Variants in DMRT1 observed in about 807,000 individuals in gnomAD.
DMRT1 encodes the protein doublesex and mab-3 related transcription factor 1, also known as doublesex- and mab-3-related transcription factor 1.
A neutral mutation model predicts 32.3 loss-of-function variants in DMRT1; 7 were observed. The ratio of observed to expected loss-of-function variants is 0.22; its 90% confidence interval spans 0.12 to 0.41. The LOEUF is 0.41. DMRT1 is among the 10% of genes least tolerant of loss of function. The probability of loss-of-function intolerance (pLI) is 1.00; values close to 1 mark genes in which losing one functional copy is unlikely to be tolerated. For synonymous variants in DMRT1, 278 were observed against 206.1 expected, an observed-to-expected ratio of 1.35 and a Z score of -2.99; for missense variants, 625 against 500.5, an observed-to-expected ratio of 1.25 and a Z score of -2.37.
rs1240258723 is a variant in DMRT1, at chr9:861,908, G to A, written c.538+14765G>A. ...GCACTCTTCACATCCCAGATGGGGC[G>A]GCGGGGCAGAGGCGCTCCCAACATC... On this transcript the variant is annotated intron_variant, in intron 2 of 4. Coordinates refer to ENST00000382276, the MANE Select transcript of DMRT1 (RefSeq NM_021951.3). 7.3e-5 allele frequency among the ~76,000 whole-genome samples: 11 copies of A among 150,504 alleles called. No individual in the cohort carries two copies. In the East Asian group the frequency reaches 9.9e-4, roughly 14 times the overall value.
intron 2 of DMRT1, among the ~76,000 whole-genome samples, chr9:857,793 C>G (rs1463180784): frequency 8.4e-6 from 1 of 119,012 alleles, no homozygotes; most frequent in Admixed American, 1.1e-4. Context: ...CACCCCACAA[C>G]AGGCCCTGGT....
intron 2 of DMRT1, among the ~76,000 whole-genome samples, chr9:889,052 T>A (rs953773711): frequency 6.6e-6 from 1 of 152,072 alleles, no homozygotes; most frequent in Non-Finnish European, 1.5e-5. Flanking sequence ...TGTCAGTCTG[T>A]GGTGGGGCCC....
intron 1 of DMRT1, among the ~76,000 whole-genome samples, chr9:843,724 C>T (rs1023977211): frequency 1.8e-4 from 28 of 152,252 alleles, no homozygotes; most frequent in African/African-American, 6.7e-4. Flanking sequence ...TGTTTGCTAA[C>T]GATGTGCTAC....
intron 2 of DMRT1, among the ~76,000 whole-genome samples, chr9:883,964 G>T (rs1816830243): frequency 6.6e-6 from 1 of 152,100 alleles, no homozygotes; most frequent in Non-Finnish European, 1.5e-5. Flanking sequence ...CACCATGCAA[G>T]ATATGGGGTT....
chr9:946,878 G>A (rs1451254615), intron 4 of DMRT1, among the ~76,000 whole-genome samples: 1 of 152,162 alleles, frequency 6.6e-6, no homozygotes, highest in Non-Finnish European at 1.5e-5. Flanking sequence ...GGCAGTAGTT[G>A]AGATTCACAC....
chr9:855,924 A>AT (rs145281170), intron 2 of DMRT1, among the ~76,000 whole-genome samples: 9,952 of 147,078 alleles, frequency 0.068, 978 homozygotes, highest in African/African-American at 0.22. Context: ...TGACCTCTGA[A>AT]TTTTTTTTTT....
chr9:842,929 C>G (rs1400522767), intron 1 of DMRT1: 3 of 152,244 alleles, frequency 2.0e-5, no homozygotes, highest in African/African-American at 7.2e-5. Context: ...GAGGAGTCTT[C>G]AGGATCTTCG....
At chr9:876,871 C>G (rs1816523669) in intron 2 of DMRT1, among the ~76,000 whole-genome samples, 1 of 151,974 alleles carries the variant, frequency 6.6e-6, no homozygotes, top group South Asian at 2.1e-4. Context: ...CTCCACGGCT[C>G]CCTTTTCCCC....
intron 2 of DMRT1, among the ~76,000 whole-genome samples, chr9:850,917 T>C (rs2132551647): frequency 6.6e-6 from 1 of 151,648 alleles, no homozygotes; most frequent in East Asian, 2.0e-4. Flanking sequence ...TAATCCCAGC[T>C]ACTCGAGAGG....
intron 2 of DMRT1, among the ~76,000 whole-genome samples, chr9:853,766 A>T (rs1356377554): frequency 6.6e-6 from 1 of 150,386 alleles, no homozygotes; most frequent in Non-Finnish European, 1.5e-5. Flanking sequence ...CGGCCTCCCA[A>T]AATGCTGGGA....
intron 2 of DMRT1, among the ~76,000 whole-genome samples, chr9:853,439 TTTTTA>T (rs1815247805): frequency 6.6e-6 from 1 of 151,960 alleles, no homozygotes; most frequent in Non-Finnish European, 1.5e-5. Flanking sequence ...TTTTTGCAAA[TTTTTA>T]TTTTATTTTA....
At chr9:898,318 C>A (rs530188480) in intron 3 of DMRT1, among the ~76,000 whole-genome samples, 10 of 152,284 alleles carry the variant, frequency 6.6e-5, no homozygotes, top group African/African-American at 2.2e-4. Context: ...TGGGGTTTCA[C>A]CATGTTGTCC....
intron 4 of DMRT1, among the ~76,000 whole-genome samples, chr9:933,042 G>A (rs1264412689): frequency 2.6e-5 from 4 of 151,856 alleles, no homozygotes; most frequent in African/African-American, 9.7e-5. Flanking sequence ...CCTCCCGAGT[G>A]GCTGGGATTA....
intron 4 of DMRT1, among the ~76,000 whole-genome samples, chr9:941,727 A>G (rs1002336503): frequency 5.3e-5 from 8 of 152,222 alleles, no homozygotes; most frequent in Non-Finnish European, 8.8e-5. Flanking sequence ...CCAAAAAAAT[A>G]GGAAGAAAAG....
At chr9:908,014 A>G (rs1817840536) in intron 3 of DMRT1, among the ~76,000 whole-genome samples, 1 of 152,250 alleles carries the variant, frequency 6.6e-6, no homozygotes, top group Admixed American at 6.5e-5. Flanking sequence ...GAACAACACA[A>G]GTTAAAAAAA....
intron 4 of DMRT1, among the ~76,000 whole-genome samples, chr9:923,209 G>T (rs939181538): frequency 6.6e-6 from 1 of 152,186 alleles, no homozygotes; most frequent in African/African-American, 2.4e-5. Flanking sequence ...AAGTTTGCAG[G>T]TGAGAAAACT....
chr9:962,485 A>G (rs1234370558), intron 4 of DMRT1, among the ~76,000 whole-genome samples: 1 of 148,326 alleles, frequency 6.7e-6, no homozygotes, highest in Non-Finnish European at 1.5e-5. Flanking sequence ...GACCTCCTCC[A>G]TGAAACAAGC....
At chr9:931,802 A>C (rs1235780957) in intron 4 of DMRT1, among the ~76,000 whole-genome samples, 1 of 152,218 alleles carries the variant, frequency 6.6e-6, no homozygotes, top group African/African-American at 2.4e-5. Flanking sequence ...ATACAGTCAC[A>C]TTGGGAGCTA....
At chr9:867,295 T>C (rs1224975230) in intron 2 of DMRT1, among the ~76,000 whole-genome samples, 1 of 151,978 alleles carries the variant, frequency 6.6e-6, no homozygotes, top group Non-Finnish European at 1.5e-5. Flanking sequence ...GAAGTGACGT[T>C]TGTCAAACTG....
Sources: gnomAD v4.1 joint callset for allele counts (sites outside exome capture counted in the v4.1 genomes callset) on GRCh38, gnomAD v4.1.1 for gene constraint, MANE v1.5 for transcripts, NCBI Gene and HGNC (gene_info 2026-07-23, HGNC 2026-07-21) for gene names.